Variants in HELLS observed in about 807,000 individuals in gnomAD.
HELLS encodes helicase, lymphoid specific.
Under a neutral mutation model 120.0 loss-of-function variants are expected in HELLS, and 32 were observed. The observed-to-expected ratio is 0.27, with a 90% CI of 0.20 to 0.36. The LOEUF is 0.36. Among genes scored for constraint, HELLS ranks in the 10% least tolerant of loss-of-function variants. HELLS has a pLI of 1.00. For synonymous variants in HELLS, 341 were observed against 323.4 expected, an observed-to-expected ratio of 1.05 and a Z score of -0.58; for missense variants, 650 against 993.4, an observed-to-expected ratio of 0.65 and a Z score of 4.65.
chr10:94,598,802 G>A (rs1485266769), intron 21 of HELLS, among the ~76,000 whole-genome samples: 2 of 151,622 alleles, frequency 1.3e-5, no homozygotes, highest in Non-Finnish European at 2.9e-5. Flanking sequence ...CTAATTCAAG[G>A]TGTTGATATT....
intron 2 of HELLS, among the ~76,000 whole-genome samples, chr10:94,552,974 TG>T (rs1843059226): frequency 6.6e-6 from 1 of 151,896 alleles, no homozygotes; most frequent in East Asian, 1.9e-4. Context: ...AAAAACGGGG[TG>T]GGGGTGTTAA....
intron 2 of HELLS, 39 bp from the exon 3 acceptor site, chr10:94,554,087 G>T: frequency 6.6e-7 from 1 of 1,513,418 alleles, no homozygotes; most frequent in Non-Finnish European, 8.8e-7. Flanking sequence ...AGGTATGTCA[G>T]AAAGTGTTCA....
In HELLS at chr10:94,583,073, T is replaced by C; in HGVS notation, c.1326+14T>C. 1 of 1,484,106 alleles carries C rather than the reference T, an allele frequency of 6.7e-7. No individual in the cohort carries two copies. The highest frequency in any genetic ancestry group is 9.3e-7 in the Non-Finnish European group (1 of 1,076,528). 91.9% of individuals were successfully genotyped at this position (1,484,106 alleles called of 1,614,324 possible). On this transcript the variant is annotated intron_variant, in intron 12 of 21. Transcript: ENST00000348459. ...ATGCTGCACCAGGTTTTCCATGTTT[T>C]CTTATTCTGCTTAACCATAGGCTCG... is the stretch of plus-strand genomic sequence containing the variant.
At chr10:94,558,888 A>C (rs375562484) in intron 4 of HELLS, among the ~76,000 whole-genome samples, 1 of 152,288 alleles carries the variant, frequency 6.6e-6, no homozygotes, top group South Asian at 2.1e-4. Context: ...GGCATGAGCC[A>C]CCACGCCCAG....
chr10:94,588,517 C>A, intron 13 of HELLS, 127 bp downstream of exon 13: 1 of 593,956 alleles, frequency 1.7e-6, no homozygotes, highest in Non-Finnish European at 2.8e-6. Context: ...AATCACTGCT[C>A]ACTGCAGCCT....
chr10:94,590,140 C>T (rs1369720419), intron 13 of HELLS, among the ~76,000 whole-genome samples: 1 of 152,076 alleles, frequency 6.6e-6, no homozygotes, highest in Non-Finnish European at 1.5e-5. Flanking sequence ...TGCAAATTTC[C>T]GGAGCCATAT....
At chr10:94,600,146 C>G (rs1279479412) in intron 21 of HELLS, among the ~76,000 whole-genome samples, 1 of 151,984 alleles carries the variant, frequency 6.6e-6, no homozygotes, top group East Asian at 1.9e-4. Context: ...AAAAAATTAG[C>G]GGGGCATGGA....
chr10:94,606,734 T>C (rs1846133721), downstream of HELLS, among the ~76,000 whole-genome samples: 1 of 152,210 alleles, frequency 6.6e-6, no homozygotes, highest in African/African-American at 2.4e-5. Flanking sequence ...TTTTAAAGTT[T>C]AGTCTGTCTT....
In HELLS at chr10:94,590,395, T is replaced by TA. The variant is rs1845426010; in HGVS notation, c.1489-16dup. The TA allele has an allele frequency of 5.0e-6, 8 of 1,586,398 alleles. No homozygotes were observed. Among genetic ancestry groups the TA allele is most frequent in the Non-Finnish European group, 6.8e-6 (8 of 1,172,154 alleles). On this transcript the variant is annotated splice_polypyrimidine_tract_variant and intron_variant, in intron 13 of 21. Transcript: ENST00000348459. ...ATAGCTTTATAAACTGAATTTCTTT[T>TA]AATTCGTTCCCTTTTAGAAAGAAAC...
intron 2 of HELLS, among the ~76,000 whole-genome samples, chr10:94,548,993 C>CA (rs893490172): frequency 1.2e-4 from 17 of 146,462 alleles, no homozygotes; most frequent in Non-Finnish European, 2.1e-4. Context: ...GATTCCGTCT[C>CA]AAAAAAAAAA....
At chr10:94,567,621 C>G (rs972585955) in intron 6 of HELLS, among the ~76,000 whole-genome samples, 5 of 152,094 alleles carry the variant, frequency 3.3e-5, no homozygotes, top group African/African-American at 1.2e-4. Context: ...TAAGAGTAGG[C>G]TGGACTGGAC....
chr10:94,609,042 A>ATTTTTTTTTTT (rs1846160013), intron 9 of HELLS, among the ~76,000 whole-genome samples: 1 of 31,542 alleles, frequency 3.2e-5, no homozygotes, highest in African/African-American at 1.3e-4. Context: ...TTTTTTTTTG[A>ATTTTTTTTTTT]GATGGAGTTT....
intron 6 of HELLS, among the ~76,000 whole-genome samples, chr10:94,567,905 GTTTTTTTTTTTT>G (rs34881072): frequency 1.6e-4 from 21 of 130,668 alleles, no homozygotes; most frequent in Non-Finnish European, 2.2e-4. Context: ...TGAAACCCTG[GTTTTTTTTTTTT>G]TTTTTTTTTT....
Position 94,562,874 on chromosome 10 carries a change from GA to G in HELLS, c.434del (p.Glu145GlyfsTer38). 6.4e-7 allele frequency: 1 copy of G among 1,563,746 alleles called. No individual in the cohort carries two copies. The highest frequency in any genetic ancestry group is 1.2e-5 in the South Asian group (1 of 85,898). On this transcript the variant is annotated frameshift_variant and splice_region_variant, in exon 6 of 22. Transcript: ENST00000348459. LOFTEE classifies it high-confidence loss of function. ...CAATATTTCAGAGGTCATGTCAAAA[GA>G]GGTAAAAATAAAAGGGAGAGGGCAC... ...SYNISEVMSK[E>X]EILSVAKKNK...
At chr10:94,577,262 A>G (rs1370032471) in intron 10 of HELLS, among the ~76,000 whole-genome samples, 2 of 152,222 alleles carry the variant, frequency 1.3e-5, no homozygotes, top group African/African-American at 4.8e-5. Context: ...GCATAACAGA[A>G]TTGAAAGATT....
chr10:94,596,899 A>G lies in HELLS; in HGVS notation c.2288A>G (p.Lys763Arg), dbSNP rs1210086850. The G allele has an allele frequency of 2.6e-6, 4 of 1,517,114 alleles. No individual in the cohort carries two copies. The South Asian group carries it at 3.4e-5, about 13-fold the overall frequency. The allele number at this position is 1,517,114 out of a possible 1,614,324, so 94.0% of individuals were successfully genotyped here. A position where few individuals can be genotyped will look rare whatever the true frequency, so the allele number is the denominator to read the frequency against. ...KGGQSGLNLS[K>R]NFLDPKELME... ...GGTCAGTCTGGATTAAATCTGTCTA[A>G]GAATTTCTTAGATCCTAAGGAATTA... Residue 763 changes from lysine (K) to arginine (R), a missense_variant, in exon 20 of 22, where the codon AAG becomes AGG. This residue lies in a region of HELLS where 90 missense variants were observed against 109.2 expected (regional missense o/e 0.82). Transcript: ENST00000348459.
chr10:94,603,382 A>G (rs1655416072), downstream of HELLS, among the ~76,000 whole-genome samples: 1 of 152,080 alleles, frequency 6.6e-6, no homozygotes, highest in East Asian at 1.9e-4. Context: ...CTCCATTAAA[A>G]CATTTACTTT....
Position 94,574,037 on chromosome 10 carries a change from T to A in HELLS, c.555T>A (p.Asp185Glu). 6.2e-7 allele frequency: 1 copy of A among 1,611,408 alleles called. No homozygotes were observed. Among genetic ancestry groups the A allele is most frequent in the Non-Finnish European group, 8.5e-7 (1 of 1,177,496 alleles). Residue 185 changes from aspartate to glutamate, a missense_variant, in exon 8 of 22, where the codon GAT becomes GAA. Asp to Glu is a conservative substitution (Grantham distance 45, BLOSUM62 2). Around this residue, in one of 9 missense-constraint regions of HELLS, gnomAD observed 113 missense variants for 120.7 expected, o/e 0.94. Coordinates refer to ENST00000348459, the MANE Select transcript of HELLS (RefSeq NM_018063.5). ...AAGATTCGAATAGTATAATTAAAGA[T>A]AGATTGTCTGAAACGGTTAGGCAGA... ...KNKDSNSIIK[D>E]RLSETVRQNT...
chr10:94,590,489 A>G lies in HELLS; in HGVS notation c.1565A>G (p.Asp522Gly). The G allele has an allele frequency of 6.2e-7, 1 of 1,612,750 alleles. No individual in the cohort carries two copies. Among genetic ancestry groups the G allele is most frequent in the South Asian group, 1.1e-5 (1 of 90,562 alleles). Residue 522 changes from aspartate to glycine, a missense_variant, in exon 14 of 22, where the codon GAT becomes GGT. Physicochemically the swap from Asp to Gly is moderately conservative, Grantham distance 94. Transcript: ENST00000348459. The part of the protein sequence containing the change: ...TRKSINYSKI[D>G]DFPNELEKLI... The stretch of plus-strand genomic sequence containing the variant: ...AAATCAATAAATTACAGCAAAATAG[A>G]TGATTTCCCTAATGAATTGGAAAAA...
Sources: allele counts gnomAD v4.1 joint callset (sites outside exome capture counted in the v4.1 genomes callset), GRCh38; gene constraint gnomAD v4.1.1; regional missense constraint gnomAD v4.1.1; transcripts MANE v1.5; gene names NCBI Gene and HGNC (gene_info 2026-07-23, HGNC 2026-07-21).